Variants in TLK1 observed in about 807,000 individuals in gnomAD.
TLK1 encodes serine/threonine-protein kinase tousled-like 1.
In TLK1, 24 loss-of-function variants were observed where a neutral mutation model predicts 105.3. That is an observed-to-expected ratio of 0.23 (90% confidence interval 0.17 to 0.32). The LOEUF is 0.32. Ranked by LOEUF, TLK1 falls within the 10% of genes least tolerant of loss-of-function variation. The pLI, the probability that TLK1 is intolerant of heterozygous loss-of-function variation, is 1.00. For missense variants in TLK1, 558 were observed against 910.5 expected (o/e 0.61, Z 4.98); for synonymous variants, 321 against 310.4 (o/e 1.03, Z -0.36).
chr2:171,073,412 CA>C (rs1688350814), intron 3 of TLK1, among the ~76,000 whole-genome samples: 1 of 152,172 alleles, frequency 6.6e-6, no homozygotes, highest in Non-Finnish European at 1.5e-5. Flanking sequence ...TTCATGATTT[CA>C]TGACCTACAA....
At chr2:171,082,541 T>C (rs542929463) in intron 3 of TLK1, among the ~76,000 whole-genome samples, 125 of 152,330 alleles carry the variant, frequency 8.2e-4, no homozygotes, top group African/African-American at 2.9e-3. Flanking sequence ...TAAGAATATA[T>C]ACATATCATT....
chr2:171,087,664 C>T (rs112099093), intron 2 of TLK1, among the ~76,000 whole-genome samples: 1 of 152,136 alleles, frequency 6.6e-6, no homozygotes, highest in African/African-American at 2.4e-5. Context: ...CACCTACGCA[C>T]ATCATAGTCA....
chr2:171,229,658 G>T (rs1261516770), intron 1 of TLK1, among the ~76,000 whole-genome samples: 2 of 152,174 alleles, frequency 1.3e-5, no homozygotes, highest in African/African-American at 2.4e-5. Context: ...AAGAGAAAGG[G>T]TGCAAACTTT....
chr2:171,138,239 A>C (rs1691423308), intron 1 of TLK1, among the ~76,000 whole-genome samples: 1 of 152,220 alleles, frequency 6.6e-6, no homozygotes, highest in African/African-American at 2.4e-5. Context: ...TGTTTTAGCC[A>C]GTTAACTTAT....
intron 1 of TLK1, among the ~76,000 whole-genome samples, chr2:171,223,918 A>AT (rs1463461895): frequency 1.4e-5 from 2 of 145,542 alleles, no homozygotes; most frequent in African/African-American, 5.1e-5. Context: ...CACTTTGTTG[A>AT]TTTTTTTCTT....
chr2:171,151,201 T>A (rs1692019356), intron 1 of TLK1, among the ~76,000 whole-genome samples: 1 of 152,056 alleles, frequency 6.6e-6, no homozygotes, highest in Non-Finnish European at 1.5e-5. Context: ...TATATTTTTG[T>A]AGAGACAGGG....
chr2:171,015,340 T>C (rs1187874794), intron 12 of TLK1, among the ~76,000 whole-genome samples: 4 of 151,820 alleles, frequency 2.6e-5, no homozygotes, highest in African/African-American at 9.7e-5. Context: ...AATGAAAATA[T>C]TTTATAATAG....
At chr2:171,058,053 G>A in intron 5 of TLK1, 98 bp downstream of exon 5, 2 of 1,213,958 alleles carry the variant, frequency 1.6e-6, no homozygotes, top group Non-Finnish European at 2.4e-6. Flanking sequence ...AATCAAGTAA[G>A]TAATCAAAAG....
intron 2 of TLK1, among the ~76,000 whole-genome samples, chr2:171,096,989 T>G (rs1029864042): frequency 3.9e-5 from 6 of 152,076 alleles, no homozygotes; most frequent in African/African-American, 1.2e-4. Flanking sequence ...AACCCTAAAT[T>G]TACGTGTAAC....
intron 1 of TLK1, among the ~76,000 whole-genome samples, chr2:171,143,769 T>C (rs1381868982): frequency 6.6e-6 from 1 of 151,606 alleles, no homozygotes. Context: ...AAGACAGCAG[T>C]AGAGGAGGGA....
intron 2 of TLK1, 68 bp downstream of exon 2, chr2:171,117,671 T>C: frequency 1.6e-6 from 2 of 1,261,118 alleles, no homozygotes; most frequent in Non-Finnish European, 2.3e-6. Context: ...GTAGGAATCC[T>C]TTACATACTA....
At chr2:171,008,104 GGGA>G (rs1684729614) in intron 14 of TLK1, among the ~76,000 whole-genome samples, 1 of 152,092 alleles carries the variant, frequency 6.6e-6, no homozygotes, top group South Asian at 2.1e-4. Context: ...TAAGCAGGAA[GGGA>G]TAAGCAGTAA....
intron 13 of TLK1, 26 bp downstream of exon 13, chr2:171,014,825 A>G (rs1364071474): frequency 1.3e-6 from 2 of 1,541,108 alleles, no homozygotes. Flanking sequence ...ATAATATGAA[A>G]CTGTGAAATG....
intron 4 of TLK1, chr2:171,059,932 G>T: frequency 1.3e-6 from 2 of 1,515,644 alleles, no homozygotes; most frequent in Non-Finnish European, 1.8e-6. Context: ...ACCTCCTGCT[G>T]TACGACCCAT....
At chr2:171,028,224 A>T in intron 12 of TLK1, 115 bp downstream of exon 12, 1 of 716,550 alleles carries the variant, frequency 1.4e-6, no homozygotes, top group Non-Finnish European at 2.4e-6. Context: ...TGAAATTTTT[A>T]ATTTGAAATC....
chr2:171,204,828 G>A lies in TLK1; in HGVS notation c.-6+26317C>T, dbSNP rs1015583983. ...CAAAAATTAGCTGGGCGTGGTGGCCGGTGCCTGTAATCCCAGCTACTCGGG... is the reference window on the plus strand; with the variant it reads ...CAAAAATTAGCTGGGCGTGGTGGCCAGTGCCTGTAATCCCAGCTACTCGGG... On this transcript the variant is annotated intron_variant, in intron 1 of 20. Transcript: ENST00000521943. Among the ~76,000 whole-genome samples the A allele has an allele frequency of 1.2e-4, 18 of 151,932 alleles. No individual in the cohort carries two copies. In the East Asian group the frequency reaches 1.7e-3, roughly 15 times the overall value.
chr2:171,116,697 CAAAA>C (rs71008750), intron 2 of TLK1, among the ~76,000 whole-genome samples: 3 of 121,450 alleles, frequency 2.5e-5, no homozygotes, highest in Non-Finnish European at 1.8e-5. Context: ...GAGACTCCCT[CAAAA>C]AAAAAAAAAA....
At chr2:171,180,766 A>G (rs970781477) in intron 1 of TLK1, among the ~76,000 whole-genome samples, 3 of 151,830 alleles carry the variant, frequency 2.0e-5, no homozygotes, top group Admixed American at 6.6e-5. Flanking sequence ...AAATTCTGCA[A>G]ATGAGTCACT....
chr2:171,077,951 G>A (rs375331392), intron 3 of TLK1, among the ~76,000 whole-genome samples: 30 of 152,202 alleles, frequency 2.0e-4, no homozygotes, highest in African/African-American at 6.7e-4. Flanking sequence ...TGGAAGAATC[G>A]CAGGGGACCC....
Sources: gnomAD v4.1 joint callset for allele counts (sites outside exome capture counted in the v4.1 genomes callset) on GRCh38, gnomAD v4.1.1 for gene constraint, MANE v1.5 for transcripts, NCBI Gene and HGNC (gene_info 2026-07-23, HGNC 2026-07-21) for gene names.